The following PTPN12 variants were observed in gnomAD, a reference collection of about 807,000 sequenced individuals.
PTPN12 encodes the protein tyrosine-protein phosphatase non-receptor type 12.
A neutral mutation model predicts 97.6 loss-of-function variants in PTPN12; 29 were observed. The ratio of observed to expected loss-of-function variants is 0.30; its 90% CI spans 0.22 to 0.41. PTPN12 has a LOEUF of 0.41. Ranked by LOEUF, PTPN12 falls within the 10% of genes least tolerant of loss-of-function variation. PTPN12 has a pLI of 1.00. For synonymous variants in PTPN12, 327 were observed against 300.4 expected (o/e 1.09, Z -0.91); for missense variants, 819 against 926.0 (o/e 0.88, Z 1.50).
At chr7:77,561,036 C>T (rs1050768194) in intron 1 of PTPN12, among the ~76,000 whole-genome samples, 1 of 152,154 alleles carries the variant, frequency 6.6e-6, no homozygotes, top group Non-Finnish European at 1.5e-5. Context: ...GTTCCAGTTT[C>T]TCCATATCCT....
At chr7:77,537,767 C>A in intron 1 of PTPN12, 122 bp downstream of exon 1, 2 of 1,108,384 alleles carry the variant, frequency 1.8e-6, no homozygotes, top group Non-Finnish European at 2.4e-6. Flanking sequence ...GGGGCGCGCA[C>A]CAGCCGGGTG....
At chr7:77,588,280 T>C (rs1584151642) in intron 5 of PTPN12, among the ~76,000 whole-genome samples, 2 of 152,332 alleles carry the variant, frequency 1.3e-5, no homozygotes, top group South Asian at 2.1e-4. Flanking sequence ...TTGAATACTT[T>C]GAGGCCATTG....
chr7:77,547,815 C>T (rs1807292545), intron 1 of PTPN12, among the ~76,000 whole-genome samples: 1 of 152,196 alleles, frequency 6.6e-6, no homozygotes, highest in Non-Finnish European at 1.5e-5. Flanking sequence ...GGCAACAACA[C>T]TTTCAAAGAC....
In PTPN12 at chr7:77,540,278, C is replaced by T. The variant is rs565141813; in HGVS notation, c.99+2633C>T. Among the ~76,000 whole-genome samples, 163 of 150,084 alleles carry T rather than the reference C, an allele frequency of 1.1e-3. 1 individual carries two copies. Among genetic ancestry groups the T allele is most frequent in the African/African-American group, 3.9e-3 (160 of 40,572 alleles). On this transcript the variant is annotated intron_variant, in intron 1 of 17. Coordinates refer to ENST00000248594, the MANE Select transcript of PTPN12 (RefSeq NM_002835.4). ...TGAGATGTAACACCTCGCTGTGTCG[C>T]CCAGGTTGGAGTGCAGTGGCTCAAT... is the stretch of plus-strand genomic sequence containing the variant.
chr7:77,601,650 A>G (rs1788191463), intron 8 of PTPN12, among the ~76,000 whole-genome samples: 1 of 152,174 alleles, frequency 6.6e-6, no homozygotes, highest in Non-Finnish European at 1.5e-5. Context: ...GTCATTTGTA[A>G]GAAGCCATTG....
At chr7:77,537,968 A>T in intron 1 of PTPN12, 3 of 787,924 alleles carry the variant, frequency 3.8e-6, no homozygotes, top group Non-Finnish European at 4.5e-6. Context: ...TAGGCAAGTG[A>T]GGTGCAGGCC....
rs141165847 is a variant in PTPN12 at position 77,629,240 on chromosome 7, C to T, written c.1996+1565C>T. 3.4e-3 allele frequency among the ~76,000 whole-genome samples: 511 copies of T among 152,340 alleles called. 4 individuals are homozygous for T. Among genetic ancestry groups the T allele is most frequent in the African/African-American group, 0.011 (443 of 41,574 alleles). Reference sequence around the variant, plus strand: ...CTGGGATTACAGGCGTGAGCCACCACGCCCAGCCAGGTGACAGTCTTAAAC... The same window carrying T: ...CTGGGATTACAGGCGTGAGCCACCATGCCCAGCCAGGTGACAGTCTTAAAC... On this transcript the variant is annotated intron_variant, in intron 13 of 17. Coordinates refer to ENST00000248594, the MANE Select transcript of PTPN12 (RefSeq NM_002835.4).
intron 1 of PTPN12, among the ~76,000 whole-genome samples, chr7:77,558,870 A>G (rs1008076646): frequency 1.3e-5 from 2 of 152,084 alleles, no homozygotes; most frequent in African/African-American, 4.8e-5. Flanking sequence ...AATTAGCCAG[A>G]TGTCATGGTG....
intron 1 of PTPN12, among the ~76,000 whole-genome samples, chr7:77,542,095 A>G (rs572200947): frequency 1.3e-5 from 2 of 152,280 alleles, no homozygotes; most frequent in African/African-American, 2.4e-5. Flanking sequence ...GAGCTAATAC[A>G]TGGTAAATGA....
intron 6 of PTPN12, among the ~76,000 whole-genome samples, chr7:77,594,765 A>G (rs1326018384): frequency 1.3e-5 from 2 of 152,154 alleles, no homozygotes; most frequent in African/African-American, 2.4e-5. Context: ...TGGCCTCCCA[A>G]AGTACTAGGA....
At chr7:77,619,211 A>T (rs1788851512) in intron 12 of PTPN12, among the ~76,000 whole-genome samples, 1 of 152,164 alleles carries the variant, frequency 6.6e-6, no homozygotes, top group African/African-American at 2.4e-5. Context: ...TTAAATAAAA[A>T]ACTATTAGAA....
At chr7:77,552,841 C>G (rs1043277323) in intron 1 of PTPN12, among the ~76,000 whole-genome samples, 1 of 152,150 alleles carries the variant, frequency 6.6e-6, no homozygotes, top group Admixed American at 6.5e-5. Flanking sequence ...GAACCACTCT[C>G]AATCTTAGCT....
intron 4 of PTPN12, 91 bp from the exon 5 acceptor site, chr7:77,585,452 T>C (rs1287137905): frequency 6.2e-6 from 7 of 1,133,904 alleles, no homozygotes; most frequent in Non-Finnish European, 9.1e-6. Context: ...TACTTCTCGG[T>C]GCAAAATTCT....
intron 5 of PTPN12, among the ~76,000 whole-genome samples, chr7:77,588,120 C>T (rs1450816544): frequency 6.6e-6 from 1 of 152,148 alleles, no homozygotes; most frequent in Admixed American, 6.6e-5. Context: ...TTAATGTCCT[C>T]CAAAAACTTT....
chr7:77,538,737 T>C (rs1806798201), intron 1 of PTPN12: 1 of 152,054 alleles, frequency 6.6e-6, no homozygotes, highest in South Asian at 2.1e-4. Context: ...GCCCTTTTTA[T>C]TTTTCTGCTG....
chr7:77,623,915 A>G (rs898608917), intron 12 of PTPN12, among the ~76,000 whole-genome samples: 1 of 152,128 alleles, frequency 6.6e-6, no homozygotes, highest in African/African-American at 2.4e-5. Context: ...GGTGTCTGCA[A>G]TTATTTTTGT....
intron 4 of PTPN12, among the ~76,000 whole-genome samples, chr7:77,584,944 T>A (rs1014898591): frequency 5.3e-5 from 8 of 151,240 alleles, no homozygotes; most frequent in African/African-American, 1.7e-4. Context: ...TTGGGGAGAG[T>A]GTACTGATGT....
intron 1 of PTPN12, among the ~76,000 whole-genome samples, chr7:77,548,911 TC>T (rs1278942502): frequency 6.6e-6 from 1 of 152,200 alleles, no homozygotes; most frequent in Non-Finnish European, 1.5e-5. Flanking sequence ...CTTGGATACT[TC>T]TCTTTGCTTC....
chr7:77,597,700 A>AT (rs998306345), intron 6 of PTPN12, 142 bp from the exon 7 acceptor site: 21 of 1,143,762 alleles, frequency 1.8e-5, no homozygotes, highest in African/African-American at 3.1e-5. Context: ...GACTTTTAGA[A>AT]TTTTTTTATA....
Sources: allele counts gnomAD v4.1 joint callset (sites outside exome capture counted in the v4.1 genomes callset), GRCh38; gene constraint gnomAD v4.1.1; transcripts MANE v1.5; gene names NCBI Gene and HGNC (gene_info 2026-07-23, HGNC 2026-07-21).